MCM4: variants seen among roughly 807,000 people sequenced by gnomAD.
MCM4 encodes the protein DNA replication licensing factor MCM4.
MCM4 carries 60 observed loss-of-function variants against 88.7 expected under a neutral mutation model. That is an observed-to-expected ratio of 0.68 (90% CI 0.55 to 0.84). The LOEUF (loss-of-function observed/expected upper bound fraction) is 0.84. Among genes scored for constraint, MCM4 ranks in the 40% least tolerant of loss-of-function variants. MCM4 has a pLI of 0.00. For synonymous variants in MCM4, 465 were observed against 410.5 expected, an observed-to-expected ratio of 1.13 and a Z score of -1.61; for missense variants, 1,149 against 1,105.5, an observed-to-expected ratio of 1.04 and a Z score of -0.56.
In MCM4 at chr8:47,974,893, C is replaced by G; in HGVS notation, c.2296C>G (p.Arg766Gly). 6.2e-7 allele frequency: 1 copy of G among 1,614,212 alleles called. No homozygotes were observed. Among genetic ancestry groups the G allele is most frequent in the Non-Finnish European group, 8.5e-7 (1 of 1,180,040 alleles). ...IDVEEAKRLH[R>G]EALKQSATDP... is the part of the protein sequence containing the mutation. Reference sequence around the variant, plus strand: ...TGTGGAAGAGGCCAAACGCCTCCATCGGGAAGCTCTGAAGCAGTCTGCAAC... The same window carrying G: ...TGTGGAAGAGGCCAAACGCCTCCATGGGGAAGCTCTGAAGCAGTCTGCAAC... Residue 766 changes from arginine (R) to glycine (G), a missense_variant, in exon 15 of 17, where the codon CGG becomes GGG. This residue lies in a region of MCM4 where 238 missense variants were observed against 241.6 expected (regional missense o/e 0.99). Transcript: ENST00000649973.
In MCM4 at chr8:47,966,389, C is replaced by A. The variant is rs913302855; in HGVS notation, c.1035C>A (p.Leu345=). Residue 345 remains leucine (L), a synonymous_variant, in exon 9 of 17, where the codon CTC becomes CTA. Transcript: ENST00000649973. ...HSMALIHNRS[L]FSDKQMIKLQ... ...TGGCACTCATCCACAACCGCTCCCT[C>A]TTCTCTGACAAGCAGATGGTGCGCA... 3 of 1,611,540 alleles carry A rather than the reference C, an allele frequency of 1.9e-6. No homozygotes were observed. Among genetic ancestry groups the A allele is most frequent in the East Asian group, 4.5e-5 (2 of 44,768 alleles).
intron 7 of MCM4, among the ~76,000 whole-genome samples, chr8:47,963,912 G>A (rs1015988268): frequency 6.6e-6 from 1 of 152,176 alleles, no homozygotes. Flanking sequence ...TAAGAAATTT[G>A]AATAAATATG....
At chr8:47,969,737 G>A in intron 10 of MCM4, 61 bp from the exon 11 acceptor site, 1 of 1,583,708 alleles carries the variant, frequency 6.3e-7, no homozygotes, top group Non-Finnish European at 8.6e-7. Context: ...TACGCTGGTT[G>A]CTGAGCCACT....
chr8:47,962,519 C>A (rs937130046), intron 5 of MCM4, 113 bp downstream of exon 5: 3 of 1,087,262 alleles, frequency 2.8e-6, no homozygotes, highest in Admixed American at 4.4e-5. Context: ...TGTGGTGGCT[C>A]ACACCTATAA....
At chr8:47,961,804 G>A in intron 3 of MCM4, 124 bp downstream of exon 3, 1 of 1,284,948 alleles carries the variant, frequency 7.8e-7, no homozygotes, top group Non-Finnish European at 1.1e-6. Context: ...ACGTGACTGA[G>A]CATGTTCTTA....
chr8:47,973,141 A>G, intron 14 of MCM4, 77 bp downstream of exon 14: 1 of 1,216,822 alleles, frequency 8.2e-7, no homozygotes, highest in South Asian at 1.3e-5. Context: ...CTCCTTTAAA[A>G]TATTAATTAT....
At position 47,963,047 on chromosome 8, in the gene MCM4, A is replaced by G. The variant is rs755216810; in HGVS notation, c.693+7A>G. 21 of 1,507,762 alleles carry G rather than the reference A, an allele frequency of 1.4e-5. No homozygotes were observed. Among genetic ancestry groups the G allele is most frequent in the Non-Finnish European group, 1.9e-5 (21 of 1,102,622 alleles). The allele number at this position is 1,507,762 out of a possible 1,614,324, so 93.4% of individuals were successfully genotyped here. A position where few individuals can be genotyped will look rare whatever the true frequency, so the allele number is the denominator to read the frequency against. On this transcript the variant is annotated splice_region_variant and intron_variant, in intron 7 of 16. Transcript: ENST00000649973. ...ACTCATCTCTTACCCACAGGTAAGA[A>G]TTTAGCTTTGACCTTGATGAATTTT... is the stretch of plus-strand genomic sequence containing the variant.
In MCM4 at chr8:47,962,970, T is replaced by C; in HGVS notation, c.623T>C (p.Leu208Ser). ...ATTAATGTTATTGGTGAGCCATTTT[T>C]AAATGTGAACTGTGAACACATCAAA... ...GEINVIGEPF[L>S]NVNCEHIKSF... The change falls in exon 7 of 17, where the codon TTA (leucine) becomes TCA (serine). Residue 208 changes from leucine to serine, a missense_variant. Physicochemically the swap from Leu to Ser is moderately radical, Grantham distance 145. This residue lies in a region of MCM4 where 906 missense variants were observed against 843.0 expected (regional missense o/e 1.07). Transcript: ENST00000649973. 6.2e-7 allele frequency: 1 copy of C among 1,604,528 alleles called. No individual in the cohort carries two copies. Among genetic ancestry groups the C allele is most frequent in the Non-Finnish European group, 8.5e-7 (1 of 1,176,522 alleles).
chr8:47,975,715 G>A lies in MCM4; in HGVS notation c.2366G>A (p.Gly789Glu). 1.9e-6 allele frequency: 3 copies of A among 1,546,560 alleles called. No homozygotes were observed. Among genetic ancestry groups the A allele is most frequent in the East Asian group, 2.4e-5 (1 of 42,242 alleles). ...TTTCATTGATTTCTTTTTAAATCAG[G>A]GATGAGTGCCACCTCTCGTAAACGG... ...GIVDISILTT[G>E]MSATSRKRKE... The change falls in exon 16 of 17, where the codon GGG (glycine) becomes GAG (glutamate). Residue 789 changes from glycine to glutamate, a missense_variant and splice_region_variant. Coordinates refer to ENST00000649973, the MANE Select transcript of MCM4 (RefSeq NM_182746.3).
chr8:47,976,640 A>G, intron 16 of MCM4, 46 bp from the exon 17 acceptor site: 2 of 1,329,260 alleles, frequency 1.5e-6, no homozygotes, highest in South Asian at 2.4e-5. Flanking sequence ...CAGGTAAAGG[A>G]GGGACTTGAC....
At chr8:47,966,128 C>G in intron 8 of MCM4, 59 bp from the exon 9 acceptor site, 1 of 1,408,294 alleles carries the variant, frequency 7.1e-7, no homozygotes, top group Non-Finnish European at 1.0e-6. Context: ...GTGATCCCAG[C>G]TATTCCTGGA....
chr8:47,972,861 G>A lies in MCM4; in HGVS notation c.1933G>A (p.Asp645Asn). The change falls in exon 14 of 17, where the codon GAT (aspartate) becomes AAT (asparagine). Residue 645 changes from aspartate (D) to asparagine (N), a missense_variant. Asp to Asn is a conservative substitution (Grantham distance 23). Coordinates refer to ENST00000649973, the MANE Select transcript of MCM4 (RefSeq NM_182746.3). ...ATTTTTACTTTGTTTTCTTAGGTTT[G>A]ATTTGATCTTCCTCTTGCTGGACCC... ...QLPHTLLSRFDLIFLLLDPQD... is the reference protein window; with the variant it reads ...QLPHTLLSRFNLIFLLLDPQD... The A allele has an allele frequency of 6.2e-7, 1 of 1,613,866 alleles. No individual in the cohort carries two copies. Among genetic ancestry groups the A allele is most frequent in the Non-Finnish European group, 8.5e-7 (1 of 1,179,832 alleles).
In MCM4 at chr8:47,977,909, A is replaced by G. The variant is rs1296905517; in HGVS notation, c.*1131A>G. On this transcript the variant is annotated 3_prime_UTR_variant, in exon 17 of 17. Coordinates refer to ENST00000649973, the MANE Select transcript of MCM4 (RefSeq NM_182746.3). ...CCTAATACATAAAACTTTTTCCTAA[A>G]TAAATGATGGAAGGAATAATACTTG... 1.3e-5 allele frequency: 2 copies of G among 152,230 alleles called. No individual in the cohort carries two copies. The highest frequency in any genetic ancestry group is 2.9e-5 in the Non-Finnish European group (2 of 68,040). 9.4% of individuals were successfully genotyped at this position (152,230 alleles called of 1,614,324 possible). A position where few individuals can be genotyped will look rare whatever the true frequency, so the allele number is the denominator to read the frequency against.
At position 47,970,077 on chromosome 8, in the gene MCM4, T is replaced by C. The variant is rs756711736; in HGVS notation, c.1434+20T>C. 2 of 1,609,816 alleles carry C rather than the reference T, an allele frequency of 1.2e-6. No homozygotes were observed. The highest frequency in any genetic ancestry group is 1.7e-5 in the Admixed American group (1 of 59,426). ...AAGAAGGTAACAGTGGATTTTAAAC[T>C]AGGGGTTGGGATTTACAATTCTTTG... On this transcript the variant is annotated intron_variant, in intron 11 of 16. Coordinates refer to ENST00000649973, the MANE Select transcript of MCM4 (RefSeq NM_182746.3).
rs2090967703 is a variant in MCM4, at chr8:47,972,877, T to C, written c.1949T>C (p.Leu650Ser). ...LLSRFDLIFL[L>S]LDPQDEAYDR... Reference sequence around the variant, plus strand: ...CTTAGGTTTGATTTGATCTTCCTCTTGCTGGACCCTCAGGACGAAGCCTAT... The same window carrying C: ...CTTAGGTTTGATTTGATCTTCCTCTCGCTGGACCCTCAGGACGAAGCCTAT... The change falls in exon 14 of 17, where the codon TTG becomes TCG. Residue 650 changes from leucine (L) to serine (S), a missense_variant. Leu to Ser is a moderately radical substitution (Grantham distance 145). Transcript: ENST00000649973. 4 of 1,614,042 alleles carry C rather than the reference T, an allele frequency of 2.5e-6. No individual in the cohort carries two copies. Among genetic ancestry groups the C allele is most frequent in the Middle Eastern group, 3.3e-4 (2 of 6,084 alleles).
Position 47,972,935 on chromosome 8 carries a change from G to C in MCM4, c.2007G>C (p.Leu669=). The change falls in exon 14 of 17, where the codon CTG becomes CTC. Residue 669 remains leucine, a synonymous_variant. Transcript: ENST00000649973. ...DRRLAHHLVA[L]YYQSEEQAEE... ...GTCTGGCTCACCACCTGGTCGCACT[G>C]TACTACCAGAGCGAGGAGCAGGCAG... The C allele has an allele frequency of 6.2e-7, 1 of 1,614,228 alleles. No individual in the cohort carries two copies. Among genetic ancestry groups the C allele is most frequent in the Non-Finnish European group, 8.5e-7 (1 of 1,180,040 alleles).
intron 9 of MCM4, 112 bp downstream of exon 9, chr8:47,966,519 C>T (rs1177873459): frequency 2.8e-6 from 3 of 1,075,342 alleles, no homozygotes; most frequent in East Asian, 5.2e-5. Flanking sequence ...TGGCATCCAT[C>T]CCTCTCTGGT....
rs2090813334 is a variant in MCM4, at chr8:47,960,956, T to C, written c.-73T>C. On this transcript the variant is annotated 5_prime_UTR_variant, in exon 1 of 17. Coordinates refer to ENST00000649973, the MANE Select transcript of MCM4 (RefSeq NM_182746.3). ...TCTGGGTCTCGCGGTTTGGGAGCGCTACTCGCCAGGTGGACTCGGAGTCCG... is the reference window on the plus strand; with the variant it reads ...TCTGGGTCTCGCGGTTTGGGAGCGCCACTCGCCAGGTGGACTCGGAGTCCG... 1 of 568,008 alleles carries C rather than the reference T, an allele frequency of 1.8e-6. No individual in the cohort carries two copies. The highest frequency in any genetic ancestry group is 2.9e-6 in the Non-Finnish European group (1 of 347,576). The allele number at this position is 568,008 out of a possible 1,614,324, so 35.2% of individuals were successfully genotyped here. A position where few individuals can be genotyped will look rare whatever the true frequency, so the allele number is the denominator to read the frequency against.
intron 5 of MCM4, 87 bp downstream of exon 5, chr8:47,962,493 G>T: frequency 2.2e-6 from 3 of 1,338,288 alleles, no homozygotes. Context: ...TAGCCATAAT[G>T]ACTAGAAGGG....
Sources: allele counts gnomAD v4.1 joint callset (sites outside exome capture counted in the v4.1 genomes callset), GRCh38; gene constraint gnomAD v4.1.1; regional missense constraint gnomAD v4.1.1; transcripts MANE v1.5; gene names NCBI Gene and HGNC (gene_info 2026-07-23, HGNC 2026-07-21).